SYNPR: variants seen among roughly 807,000 people sequenced by gnomAD.
The protein encoded by SYNPR is synaptoporin.
SYNPR carries 23 observed loss-of-function variants against 32.9 expected under a neutral mutation model. The observed-to-expected ratio is 0.70, with a 90% CI of 0.50 to 0.99. SYNPR has a LOEUF of 0.99. Ranked by LOEUF, SYNPR falls within the 50% of genes least tolerant of loss-of-function variation. The pLI is 0.00. For missense variants in SYNPR, 318 were observed against 349.3 expected (o/e 0.91, Z 0.71); for synonymous variants, 146 against 135.9 (o/e 1.07, Z -0.52).
intron 3 of SYNPR, among the ~76,000 whole-genome samples, chr3:63,519,311 C>A (rs59151203): frequency 0.066 from 10,121 of 152,224 alleles, 518 homozygotes; most frequent in East Asian, 0.16. Context: ...ATGAAAGAGT[C>A]ATTCATCCTT....
chr3:63,201,408 A>T, the SYNPR span, among the ~76,000 whole-genome samples: 1 of 152,132 alleles, frequency 6.6e-6, no homozygotes, highest in African/African-American at 2.4e-5. Flanking sequence ...TTAGGTACAG[A>T]ATCATGTCTG....
At chr3:63,481,435 G>GTATA (rs71636051) in intron 3 of SYNPR, among the ~76,000 whole-genome samples, 1 of 147,684 alleles carries the variant, frequency 6.8e-6, no homozygotes, top group South Asian at 2.1e-4. Flanking sequence ...TATATTAAGT[G>GTATA]TATATATATA....
intron 3 of SYNPR, among the ~76,000 whole-genome samples, chr3:63,487,926 T>C (rs1701185948): frequency 6.6e-6 from 1 of 152,162 alleles, no homozygotes; most frequent in African/African-American, 2.4e-5. Context: ...AGCTGGGCAC[T>C]GGCTGAATAA....
At chr3:63,254,111 T>C (rs1349622274) in intron 2 of SYNPR, among the ~76,000 whole-genome samples, 3 of 152,000 alleles carry the variant, frequency 2.0e-5, no homozygotes, top group South Asian at 4.2e-4. Flanking sequence ...AGGTGGGAAT[T>C]GAACAATGAG....
At chr3:63,607,740 C>G (rs961514909) in intron 4 of SYNPR, among the ~76,000 whole-genome samples, 2 of 152,162 alleles carry the variant, frequency 1.3e-5, no homozygotes, top group African/African-American at 4.8e-5. Context: ...GAAGATTCAG[C>G]TACTCTTAGT....
At chr3:63,403,746 G>C (rs925293587) in intron 2 of SYNPR, among the ~76,000 whole-genome samples, 37 of 152,096 alleles carry the variant, frequency 2.4e-4, no homozygotes, top group African/African-American at 8.7e-4. Flanking sequence ...GAACATGATG[G>C]GGGAGCTGGA....
chr3:63,554,867 T>G (rs564575469), intron 3 of SYNPR, among the ~76,000 whole-genome samples: 1 of 152,306 alleles, frequency 6.6e-6, no homozygotes, highest in Admixed American at 6.5e-5. Flanking sequence ...TTTCCATTTA[T>G]TTGTGTCATC....
At chr3:63,255,258 T>C (rs2086372202) in intron 2 of SYNPR, among the ~76,000 whole-genome samples, 2 of 152,136 alleles carry the variant, frequency 1.3e-5, no homozygotes, top group South Asian at 4.2e-4. Flanking sequence ...GAGTTTCTCA[T>C]TGTGTGTTGC....
intron 2 of SYNPR, among the ~76,000 whole-genome samples, chr3:63,465,377 T>C (rs1700657508): frequency 6.6e-6 from 1 of 152,128 alleles, no homozygotes; most frequent in South Asian, 2.1e-4. Context: ...TTCCTTACTT[T>C]AAGGAATGTT....
intron 2 of SYNPR, among the ~76,000 whole-genome samples, chr3:63,313,084 A>G (rs2086985090): frequency 6.6e-6 from 1 of 151,956 alleles, no homozygotes; most frequent in African/African-American, 2.4e-5. Flanking sequence ...TATTTCAATC[A>G]CTCATCTAAT....
chr3:63,381,356 G>A (rs2087966137), intron 2 of SYNPR, among the ~76,000 whole-genome samples: 1 of 152,128 alleles, frequency 6.6e-6, no homozygotes, highest in African/African-American at 2.4e-5. Context: ...GGGATGTGAA[G>A]GACCTCTTCA....
chr3:63,295,677 A>G (rs933782574), intron 2 of SYNPR, among the ~76,000 whole-genome samples: 8 of 152,222 alleles, frequency 5.3e-5, no homozygotes, highest in Non-Finnish European at 7.3e-5. Context: ...TTCTTTTCTT[A>G]TAAATATACT....
chr3:63,224,075 G>T (rs138018259), upstream of SYNPR, among the ~76,000 whole-genome samples: 1 of 152,298 alleles, frequency 6.6e-6, no homozygotes, highest in South Asian at 2.1e-4. Flanking sequence ...AAAATGGAAA[G>T]AAATGAGAAT....
chr3:63,557,627 T>G (rs1162895104), intron 4 of SYNPR, among the ~76,000 whole-genome samples: 1 of 152,234 alleles, frequency 6.6e-6, no homozygotes, highest in Non-Finnish European at 1.5e-5. Context: ...TTAAAAACTC[T>G]AATATGCTTA....
chr3:63,474,470 C>T (rs1456297694), intron 2 of SYNPR, among the ~76,000 whole-genome samples: 2 of 152,142 alleles, frequency 1.3e-5, no homozygotes, highest in Non-Finnish European at 2.9e-5. Context: ...AATGATTATA[C>T]CTAATGGAAA....
chr3:63,553,990 G>A (rs922668120), intron 3 of SYNPR, among the ~76,000 whole-genome samples: 1 of 152,218 alleles, frequency 6.6e-6, no homozygotes, highest in Admixed American at 6.5e-5. Context: ...CCAAAGTGCT[G>A]GGATTACAGG....
intron 4 of SYNPR, among the ~76,000 whole-genome samples, chr3:63,603,806 T>C (rs1448836079): frequency 6.6e-6 from 1 of 152,054 alleles, no homozygotes; most frequent in Admixed American, 6.6e-5. Flanking sequence ...TGATGAACAG[T>C]GTTTTCTTTT....
chr3:63,306,663 A>G (rs1218530474), intron 2 of SYNPR, among the ~76,000 whole-genome samples: 1 of 152,070 alleles, frequency 6.6e-6, no homozygotes, highest in Non-Finnish European at 1.5e-5. Context: ...TCAAACTGCA[A>G]AGAAATCAAT....
chr3:63,211,022 C>T, the SYNPR span, among the ~76,000 whole-genome samples: 2 of 152,198 alleles, frequency 1.3e-5, no homozygotes, highest in South Asian at 4.1e-4. Context: ...TTCTGCTAAT[C>T]TAACTAGATT....
Sources: gnomAD v4.1 joint callset for allele counts (sites outside exome capture counted in the v4.1 genomes callset) on GRCh38, gnomAD v4.1.1 for gene constraint, MANE v1.5 for transcripts, NCBI Gene and HGNC (gene_info 2026-07-23, HGNC 2026-07-21) for gene names.